Variants in ABCB10 observed in about 807,000 individuals in gnomAD.
ABCB10 encodes the protein ATP-binding cassette sub-family B member 10, mitochondrial.
ABCB10 carries 54 observed loss-of-function variants against 65.4 expected under a neutral mutation model. The ratio of observed to expected loss-of-function variants is 0.83; its 90% CI spans 0.66 to 1.04. ABCB10 has a LOEUF of 1.04. ABCB10 is among the 50% of genes least tolerant of loss of function. The pLI, the probability that ABCB10 is intolerant of heterozygous loss-of-function variation, is 0.00. For missense variants in ABCB10, 846 were observed against 976.6 expected, an observed-to-expected ratio of 0.87 and a Z score of 1.78; for synonymous variants, 418 against 406.5, an observed-to-expected ratio of 1.03 and a Z score of -0.34.
In ABCB10 at chr1:229,518,363, C is replaced by T. The variant is rs185229946; in HGVS notation, c.2033G>A (p.Arg678Gln). ...NEYLVQEALD[R>Q]LMDGRTVLVI... ...TAACACCGTTCTTCCATCCATCAGT[C>T]GATCTAGAGCTTCTTGAACAAGGTA... is the stretch of plus-strand genomic sequence containing the variant. The change falls in exon 13 of 13, where the codon CGA becomes CAA. Residue 678 changes from arginine (R) to glutamine (Q), a missense_variant. This residue lies in a region of ABCB10 where 632 missense variants were observed against 803.2 expected (regional missense o/e 0.79). Coordinates refer to ENST00000344517, the MANE Select transcript of ABCB10 (RefSeq NM_012089.3). 14 of 1,614,174 alleles carry T rather than the reference C, an allele frequency of 8.7e-6. No homozygotes were observed. The highest frequency in any genetic ancestry group is 4.5e-5 in the East Asian group (2 of 44,890).
At chr1:229,535,614 G>T (rs12117468) in intron 6 of ABCB10, among the ~76,000 whole-genome samples, 46,037 of 152,050 alleles carry the variant, frequency 0.3, 8,758 homozygotes, top group African/African-American at 0.54. Context: ...TATGATACAG[G>T]AATGTTGGAT....
intron 6 of ABCB10, among the ~76,000 whole-genome samples, chr1:229,536,871 T>C (rs1330493984): frequency 6.7e-6 from 1 of 148,818 alleles, no homozygotes; most frequent in Non-Finnish European, 1.5e-5. Flanking sequence ...GTGAGAGGAC[T>C]GCTTGAGCCC....
chr1:229,519,980 A>T (rs10916503), intron 11 of ABCB10, among the ~76,000 whole-genome samples: 3,249 of 151,154 alleles, frequency 0.021, 115 homozygotes, highest in African/African-American at 0.074. Flanking sequence ...ATTTTTTTTT[A>T]AATTAGCTGG....
intron 2 of ABCB10, among the ~76,000 whole-genome samples, chr1:229,548,618 C>T (rs888933703): frequency 6.6e-6 from 1 of 151,962 alleles, no homozygotes; most frequent in African/African-American, 2.4e-5. Flanking sequence ...CTTCAGGAAG[C>T]CTCAGAAGTC....
At chr1:229,520,816 G>A (rs904783336) in intron 11 of ABCB10, among the ~76,000 whole-genome samples, 48 of 152,108 alleles carry the variant, frequency 3.2e-4, no homozygotes, top group African/African-American at 1.0e-3. Context: ...ACCATATATC[G>A]TCTGATTCCA....
intron 8 of ABCB10, 79 bp downstream of exon 8, chr1:229,530,120 T>G (rs577875874): frequency 1.4e-6 from 2 of 1,392,052 alleles, no homozygotes; most frequent in African/African-American, 2.8e-5. Context: ...TTTGCATGGT[T>G]TGAGCATCTC....
At chr1:229,538,175 A>G (rs1260036365) in intron 6 of ABCB10, among the ~76,000 whole-genome samples, 6 of 152,198 alleles carry the variant, frequency 3.9e-5, no homozygotes, top group Admixed American at 2.6e-4. Flanking sequence ...GTGTTTTCCA[A>G]CCCATTCTGT....
At chr1:229,531,947 GTTTTTTT>G (rs34289048) in intron 6 of ABCB10, 22 of 132,764 alleles carry the variant, frequency 1.7e-4, no homozygotes, top group African/African-American at 2.3e-4. Flanking sequence ...CAGTTTCATA[GTTTTTTT>G]TTTTTTTTTT....
chr1:229,518,396 T>C lies in ABCB10; in HGVS notation c.2000A>G (p.Glu667Gly), dbSNP rs141486923. ...LDEATSALDA[E>G]NEYLVQEALD... The stretch of plus-strand genomic sequence containing the variant: ...AGCTTCTTGAACAAGGTACTCATTT[T>C]CGGCATCCAGCGCACTGACACAGGA... The change falls in exon 13 of 13, where the codon GAA (glutamate) becomes GGA (glycine). Residue 667 changes from glutamate to glycine, a missense_variant. Glu to Gly is a moderately conservative substitution (Grantham distance 98, BLOSUM62 -2). This residue lies in a region of ABCB10 where 632 missense variants were observed against 803.2 expected (regional missense o/e 0.79). Transcript: ENST00000344517. 1 of 1,614,208 alleles carries C rather than the reference T, an allele frequency of 6.2e-7. No individual in the cohort carries two copies. The highest frequency in any genetic ancestry group is 1.3e-5 in the African/African-American group (1 of 75,056).
At position 229,545,462 on chromosome 1, in the gene ABCB10, C is replaced by T. The variant is rs147853477; in HGVS notation, c.921+2037G>A. ...GAGTCTAGAACTGCACTGCCCAAAA[C>T]GATAGCCCTACTGGAAACTTGAAAT... On this transcript the variant is annotated intron_variant, in intron 3 of 12. Coordinates refer to ENST00000344517, the MANE Select transcript of ABCB10 (RefSeq NM_012089.3). Among the ~76,000 whole-genome samples, 77 of 152,282 alleles carry T rather than the reference C, an allele frequency of 5.1e-4. 3 individuals carry two copies. The East Asian group carries it at 0.012, about 23-fold the overall frequency.
intron 1 of ABCB10, 67 bp from the exon 2 acceptor site, chr1:229,549,501 G>C: frequency 6.8e-7 from 1 of 1,464,684 alleles, no homozygotes; most frequent in Non-Finnish European, 9.3e-7. Context: ...CTGAGTCCAG[G>C]AGGCTTCCTT....
intron 8 of ABCB10, among the ~76,000 whole-genome samples, chr1:229,529,657 A>C (rs530793699): frequency 6.9e-6 from 1 of 144,470 alleles, no homozygotes; most frequent in African/African-American, 2.6e-5. Flanking sequence ...GCGACAGAGC[A>C]AGACTGTCTC....
At chr1:229,546,455 T>C (rs954562835) in intron 3 of ABCB10, among the ~76,000 whole-genome samples, 2 of 152,184 alleles carry the variant, frequency 1.3e-5, no homozygotes, top group African/African-American at 4.8e-5. Flanking sequence ...AACCCCTGCA[T>C]TGTTCAAGGG....
intron 3 of ABCB10, among the ~76,000 whole-genome samples, 170 bp downstream of exon 3, chr1:229,547,329 T>C (rs931806214): frequency 6.6e-6 from 1 of 152,248 alleles, no homozygotes; most frequent in Non-Finnish European, 1.5e-5. Flanking sequence ...CAAGAGGCCA[T>C]GCAGGCAGAG....
At position 229,550,525 on chromosome 1, in the gene ABCB10, CAAAAAAA is replaced by C. The variant is rs60323914; in HGVS notation, c.518-1098_518-1092del. On this transcript the variant is annotated intron_variant, in intron 1 of 12. Coordinates refer to ENST00000344517, the MANE Select transcript of ABCB10 (RefSeq NM_012089.3). The stretch of plus-strand genomic sequence containing the variant: ...GGGTGACACAGCAATATGCTGTCTC[CAAAAAAA>C]AAAAAAAAAAAAAAAATTTTAGAAA... Among the ~76,000 whole-genome samples, 99 of 63,550 alleles carry C rather than the reference CAAAAAAA, an allele frequency of 1.6e-3. 1 individual carries two copies. The highest frequency in any genetic ancestry group is 2.3e-3 in the Non-Finnish European group (82 of 36,120). The allele number at this position is 63,550 out of a possible 152,430, so 41.7% of individuals were successfully genotyped here.
rs762792835 is a variant in ABCB10 at position 229,558,155 on chromosome 1, AG to A, written c.497del (p.Pro166LeufsTer46). On this transcript the variant is annotated frameshift_variant, in exon 1 of 13. Transcript: ENST00000344517. LOFTEE classifies it high-confidence loss of function. ...CCCTACCTGCCAGCCTCCGGCGCTCAGGGTACGCCAGCCCCAGGAGCTTCCG... is the reference window on the plus strand; with the variant it reads ...CCCTACCTGCCAGCCTCCGGCGCTCAGGTACGCCAGCCCCAGGAGCTTCCG... ...EARKLLGLAYPERRRLAAAVG... is the reference protein window; with the variant it reads ...EARKLLGLAYXERRRLAAAVG... 71 of 1,422,712 alleles carry A rather than the reference AG, an allele frequency of 5.0e-5. No individual in the cohort carries two copies. The highest frequency in any genetic ancestry group is 5.8e-5 in the Non-Finnish European group (63 of 1,091,050). The allele number at this position is 1,422,712 out of a possible 1,614,324, so 88.1% of individuals were successfully genotyped here.
Position 229,540,626 on chromosome 1 carries a change from G to T in ABCB10, c.1183C>A (p.Arg395=). The change falls in exon 5 of 13, where the codon CGG becomes AGG. Residue 395 remains arginine (R), a synonymous_variant. Transcript: ENST00000344517. ...CTTACTGCTCCAAAGAAACCAGCCC[G>T]GGCGAATGCCTCTTTCCTTGCTAAC... The part of the protein sequence containing the change: ...MQLARKEAFA[R]AGFFGATGLS... The T allele has an allele frequency of 6.2e-7, 1 of 1,611,322 alleles. No homozygotes were observed. The highest frequency in any genetic ancestry group is 8.5e-7 in the Non-Finnish European group (1 of 1,179,762).
chr1:229,539,944 G>A (rs1662804860), intron 5 of ABCB10, among the ~76,000 whole-genome samples: 1 of 152,082 alleles, frequency 6.6e-6, no homozygotes, highest in Non-Finnish European at 1.5e-5. Context: ...AGATGTTCTG[G>A]GCAAGGACAC....
rs966698684 is a variant in ABCB10 at position 229,549,550 on chromosome 1, T to C, written c.518-116A>G. 9 of 974,628 alleles carry C rather than the reference T, an allele frequency of 9.2e-6. No homozygotes were observed. In the African/African-American group the frequency reaches 9.8e-5, roughly 11 times the overall value. 60.4% of individuals were successfully genotyped at this position (974,628 alleles called of 1,614,324 possible). A position where few individuals can be genotyped will look rare whatever the true frequency, so the allele number is the denominator to read the frequency against. ...TTGTCAGAGTATGCGTTGATCTCAG[T>C]CTCTAGCAGTTTCCTCCCTTTTGCT... On this transcript the variant is annotated intron_variant, in intron 1 of 12. Transcript: ENST00000344517.
Sources: gnomAD v4.1 joint callset for allele counts (sites outside exome capture counted in the v4.1 genomes callset) on GRCh38, gnomAD v4.1.1 for gene constraint, gnomAD v4.1.1 regional missense constraint, MANE v1.5 for transcripts, NCBI Gene and HGNC (gene_info 2026-07-23, HGNC 2026-07-21) for gene names.